SHISA6: variants seen among roughly 807,000 people sequenced by gnomAD.
SHISA6 encodes shisa family member 6, also known as protein shisa-6.
In SHISA6, 22 loss-of-function variants were observed where a neutral mutation model predicts 47.9. The observed-to-expected ratio is 0.46, with a 90% CI of 0.33 to 0.66. SHISA6 has a LOEUF of 0.66. Among genes scored for constraint, SHISA6 ranks in the 30% least tolerant of loss-of-function variants. The pLI is 0.02. For synonymous variants in SHISA6, 388 were observed against 337.8 expected (o/e 1.15, Z -1.63); for missense variants, 680 against 764.6 (o/e 0.89, Z 1.30).
At chr17:11,374,565 A>G (rs1351138263) in intron 2 of SHISA6, among the ~76,000 whole-genome samples, 6 of 151,746 alleles carry the variant, frequency 4.0e-5, no homozygotes, top group Non-Finnish European at 1.5e-5. Context: ...TTTTTCCCCT[A>G]TTTAGTGAAA....
intron 2 of SHISA6, among the ~76,000 whole-genome samples, chr17:11,370,111 A>G (rs1370587295): frequency 6.6e-6 from 1 of 152,164 alleles, no homozygotes; most frequent in African/African-American, 2.4e-5. Flanking sequence ...CTTTATCTTG[A>G]TGGCAGGGAG....
At chr17:11,526,366 T>C (rs1335045185) in intron 3 of SHISA6, among the ~76,000 whole-genome samples, 1 of 152,206 alleles carries the variant, frequency 6.6e-6, no homozygotes, top group African/African-American at 2.4e-5. Flanking sequence ...GCAAGAGTCC[T>C]TGCCTAGTTT....
At chr17:11,526,904 T>TATATATATATATATAC (rs2071689519) in intron 3 of SHISA6, among the ~76,000 whole-genome samples, 3 of 20,962 alleles carry the variant, frequency 1.4e-4, no homozygotes, top group African/African-American at 6.2e-4. Context: ...TATATATATA[T>TATATATATATATATAC]ATATATATAT....
intron 3 of SHISA6, among the ~76,000 whole-genome samples, chr17:11,420,733 A>T (rs933102863): frequency 6.6e-6 from 1 of 152,186 alleles, no homozygotes; most frequent in African/African-American, 2.4e-5. Flanking sequence ...CCACCATCCA[A>T]ATGAACTCCA....
At chr17:11,544,208 A>G (rs1404501247) in intron 3 of SHISA6, among the ~76,000 whole-genome samples, 1 of 152,002 alleles carries the variant, frequency 6.6e-6, no homozygotes, top group East Asian at 1.9e-4. Flanking sequence ...AAAATTTAAA[A>G]ATTGATAAAT....
At chr17:11,420,943 A>G (rs751638433) in intron 3 of SHISA6, among the ~76,000 whole-genome samples, 35 of 152,192 alleles carry the variant, frequency 2.3e-4, no homozygotes, top group Non-Finnish European at 3.8e-4. Flanking sequence ...CTCACAGGAA[A>G]AGAAAGGGTA....
At chr17:11,405,210 A>G (rs1375233719) in intron 3 of SHISA6, among the ~76,000 whole-genome samples, 1 of 152,200 alleles carries the variant, frequency 6.6e-6, no homozygotes, top group African/African-American at 2.4e-5. Flanking sequence ...GCTTCTGAAG[A>G]TGTCACATGC....
Position 11,263,414 on chromosome 17 carries a change from C to T in SHISA6, c.687C>T (p.His229=). The T allele has an allele frequency of 6.4e-7, 1 of 1,552,152 alleles. No homozygotes were observed. The highest frequency in any genetic ancestry group is 1.2e-5 in the South Asian group (1 of 84,064). The part of the protein sequence containing the change: ...LRQQGPIPIA[H]CERETISAID... The stretch of plus-strand genomic sequence containing the variant: ...AACAGGGACCAATCCCCATAGCACA[C>T]TGTGAAAGAGAAACTATCTCGGCTA... The change falls in exon 2 of 6, where the codon CAC becomes CAT. Residue 229 remains histidine (H), a synonymous_variant. Coordinates refer to ENST00000441885, the MANE Select transcript of SHISA6 (RefSeq NM_207386.4).
chr17:11,282,195 G>A lies in SHISA6; in HGVS notation c.799+18669G>A, dbSNP rs112751005. ...AGGTCCCCAAACTTAACCTAAGTGC[G>A]TCTGCAGGTGTTACCACCTCTCTTT... On this transcript the variant is annotated intron_variant, in intron 2 of 5. Coordinates refer to ENST00000441885, the MANE Select transcript of SHISA6 (RefSeq NM_207386.4). Among the ~76,000 whole-genome samples the A allele has an allele frequency of 4.5e-3, 684 of 152,200 alleles. 8 individuals are homozygous for A. Among genetic ancestry groups the A allele is most frequent in the African/African-American group, 0.016 (656 of 41,506 alleles).
chr17:11,323,945 A>C (rs931914692), intron 2 of SHISA6, among the ~76,000 whole-genome samples: 23 of 152,156 alleles, frequency 1.5e-4, no homozygotes, highest in African/African-American at 5.6e-4. Context: ...CTGCAGCTTG[A>C]AATCTGGATC....
chr17:11,541,530 C>G (rs1388913894), intron 3 of SHISA6, among the ~76,000 whole-genome samples: 7 of 152,126 alleles, frequency 4.6e-5, no homozygotes, highest in African/African-American at 1.7e-4. Context: ...AAATAACTCC[C>G]TTTATTTTGA....
At chr17:11,357,727 T>C (rs1912122663) in intron 2 of SHISA6, among the ~76,000 whole-genome samples, 1 of 152,244 alleles carries the variant, frequency 6.6e-6, no homozygotes, top group Non-Finnish European at 1.5e-5. Flanking sequence ...ATTCTAGTTT[T>C]ACACTATTAT....
At chr17:11,259,200 G>A (rs1176137053) in intron 1 of SHISA6, among the ~76,000 whole-genome samples, 1 of 152,132 alleles carries the variant, frequency 6.6e-6, no homozygotes, top group Non-Finnish European at 1.5e-5. Flanking sequence ...TAGATGGATG[G>A]ATAATCCAGT....
At chr17:11,277,698 A>G (rs926201359) in intron 2 of SHISA6, among the ~76,000 whole-genome samples, 12 of 152,156 alleles carry the variant, frequency 7.9e-5, no homozygotes, top group African/African-American at 2.9e-4. Context: ...TCAGGGATTC[A>G]GGGAGAATAT....
At chr17:11,515,844 A>C (rs1024571513) in intron 3 of SHISA6, among the ~76,000 whole-genome samples, 7 of 152,132 alleles carry the variant, frequency 4.6e-5, no homozygotes, top group Non-Finnish European at 1.0e-4. Context: ...CTGTGTGAGG[A>C]GCTCCTAAGG....
chr17:11,364,671 C>T (rs1912386742), intron 2 of SHISA6, among the ~76,000 whole-genome samples: 1 of 152,212 alleles, frequency 6.6e-6, no homozygotes, highest in South Asian at 2.1e-4. Flanking sequence ...TATTCTTGCA[C>T]ATGTCAATTG....
rs201867649 is a variant in SHISA6 at position 11,379,514 on chromosome 17, A to C, written c.895+5A>C. The C allele has an allele frequency of 4.6e-6, 7 of 1,526,966 alleles. No homozygotes were observed. The highest frequency in any genetic ancestry group is 6.2e-6 in the Non-Finnish European group (7 of 1,133,862). 94.6% of individuals were successfully genotyped at this position (1,526,966 alleles called of 1,614,324 possible). On this transcript the variant is annotated splice_donor_5th_base_variant and intron_variant, in intron 3 of 5. Transcript: ENST00000441885. ...TAGGAAGAGGACACACCAAGGGTAC[A>C]GTGGAAACCATTTTTTACTAAAATA... is the stretch of plus-strand genomic sequence containing the variant.
chr17:11,462,929 T>C (rs1255175564), intron 3 of SHISA6, among the ~76,000 whole-genome samples: 1 of 152,170 alleles, frequency 6.6e-6, no homozygotes, highest in African/African-American at 2.4e-5. Context: ...GTGTTATCCA[T>C]TGAGGTAGGA....
chr17:11,336,768 G>A (rs937666592), intron 2 of SHISA6, among the ~76,000 whole-genome samples: 7 of 152,094 alleles, frequency 4.6e-5, no homozygotes, highest in South Asian at 2.1e-4. Context: ...TTCTCCAGTC[G>A]CCCAGGGCGC....
Sources: allele counts gnomAD v4.1 joint callset (sites outside exome capture counted in the v4.1 genomes callset), GRCh38; gene constraint gnomAD v4.1.1; transcripts MANE v1.5; gene names NCBI Gene and HGNC (gene_info 2026-07-23, HGNC 2026-07-21).